ADH1B: variants seen among roughly 807,000 people sequenced by gnomAD.
ADH1B encodes the protein all-trans-retinol dehydrogenase [NAD(+)] ADH1B.
ADH1B carries 29 observed loss-of-function variants against 34.6 expected under a neutral mutation model. The ratio of observed to expected loss-of-function variants is 0.84; its 90% CI spans 0.62 to 1.14. The LOEUF (loss-of-function observed/expected upper bound fraction) is 1.14, where lower values mean the gene tolerates loss of function less well. ADH1B is among the 50% of genes most tolerant of loss of function. ADH1B has a pLI of 0.00. For missense variants in ADH1B, 424 were observed against 468.4 expected (o/e 0.91, Z 0.87); for synonymous variants, 170 against 175.5 (o/e 0.97, Z 0.25).
intron 8 of ADH1B, 113 bp from the exon 9 acceptor site, chr4:99,307,977 C>A: frequency 7.2e-7 from 1 of 1,390,974 alleles, no homozygotes; most frequent in Admixed American, 1.9e-5. Context: ...GTGATCCCAG[C>A]TACCCTATTT....
intron 8 of ADH1B, among the ~76,000 whole-genome samples, chr4:99,308,424 T>A (rs1733667631): frequency 1.3e-5 from 2 of 150,802 alleles, no homozygotes; most frequent in Admixed American, 6.7e-5. Flanking sequence ...AGATGATGGA[T>A]AACTTGCCTG....
At chr4:99,319,269 G>A in intron 1 of ADH1B, 1 of 314,688 alleles carries the variant, frequency 3.2e-6, no homozygotes, top group Non-Finnish European at 6.1e-6. Context: ...CAGAGTCAGT[G>A]TCTGTCTACA....
intron 6 of ADH1B, chr4:99,313,372 A>T: frequency 5.6e-6 from 1 of 177,360 alleles, no homozygotes; most frequent in Non-Finnish European, 1.2e-5. Context: ...GTTGGCCTAA[A>T]ATTGCTCATT....
intron 8 of ADH1B, 65 bp downstream of exon 8, chr4:99,310,700 T>G: frequency 2.6e-6 from 4 of 1,547,772 alleles, no homozygotes; most frequent in Non-Finnish European, 3.5e-6. Context: ...ACCTTTTTCA[T>G]TCTCTGCTAG....
At chr4:99,313,680 C>A (rs201212428) in intron 6 of ADH1B, 141 bp downstream of exon 6, 1 of 1,472,842 alleles carries the variant, frequency 6.8e-7, no homozygotes, top group East Asian at 2.3e-5. Context: ...AAAAATTAAA[C>A]AAGCCACATA....
At chr4:99,309,225 A>C (rs2110629188) in intron 8 of ADH1B, among the ~76,000 whole-genome samples, 1 of 152,192 alleles carries the variant, frequency 6.6e-6, no homozygotes, top group African/African-American at 2.4e-5. Flanking sequence ...TTATTTCTGT[A>C]GAATAGATTT....
At chr4:99,311,244 C>A (rs778636205) in intron 7 of ADH1B, among the ~76,000 whole-genome samples, 3 of 152,032 alleles carry the variant, frequency 2.0e-5, no homozygotes, top group Non-Finnish European at 4.4e-5. Context: ...AATTTCCATG[C>A]CTTACACAGT....
In ADH1B at chr4:99,321,383, C is replaced by T; in HGVS notation, c.-52G>A. 6.3e-7 allele frequency: 1 copy of T among 1,588,166 alleles called. No individual in the cohort carries two copies. Among genetic ancestry groups the T allele is most frequent in the Non-Finnish European group, 8.6e-7 (1 of 1,159,424 alleles). On this transcript the variant is annotated 5_prime_UTR_variant, in exon 1 of 9. Transcript: ENST00000305046. ...GCAGACTGTGAGTCTTTGTGGATTT[C>T]TTCTCTGCTTGAGTGCATAAAGCAG...
chr4:99,313,977 G>T lies in ADH1B; in HGVS notation c.672C>A (p.Asp224Glu), dbSNP rs1472672610. The part of the protein sequence containing the change: ...AAGAARIIAV[D>E]INKDKFAKAK... ...CCTTTGCAAATTTGTCCTTGTTGAT[G>T]TCCACCGCAATGATTCTGGCTGCTC... is the stretch of plus-strand genomic sequence containing the variant. The change falls in exon 6 of 9, where the codon GAC becomes GAA. Residue 224 changes from aspartate to glutamate, a missense_variant. Asp to Glu is a conservative substitution (Grantham distance 45). This residue lies in a region of ADH1B where 291 missense variants were observed against 300.4 expected (regional missense o/e 0.97). Coordinates refer to ENST00000305046, the MANE Select transcript of ADH1B (RefSeq NM_000668.6). 9 of 1,614,034 alleles carry T rather than the reference G, an allele frequency of 5.6e-6. No homozygotes were observed. The highest frequency in any genetic ancestry group is 7.6e-6 in the Non-Finnish European group (9 of 1,180,042).
intron 6 of ADH1B, among the ~76,000 whole-genome samples, chr4:99,312,540 C>T (rs1174055975): frequency 6.6e-6 from 1 of 152,168 alleles, no homozygotes; most frequent in East Asian, 1.9e-4. Context: ...GAGACATTTT[C>T]AGTAGGATTC....
At chr4:99,309,510 TC>T (rs1733695365) in intron 8 of ADH1B, among the ~76,000 whole-genome samples, 2 of 152,176 alleles carry the variant, frequency 1.3e-5, no homozygotes, top group African/African-American at 2.4e-5. Context: ...CTCAACACTG[TC>T]CTCTGGTTTT....
chr4:99,318,695 G>T, intron 2 of ADH1B, 90 bp downstream of exon 2: 1 of 1,180,724 alleles, frequency 8.5e-7, no homozygotes, highest in Non-Finnish European at 1.2e-6. Context: ...TATAAGATAT[G>T]CCTCTTAGTG....
At chr4:99,314,421 G>T (rs1579511989) in intron 5 of ADH1B, 3 of 288,236 alleles carry the variant, frequency 1.0e-5, no homozygotes, top group Admixed American at 9.4e-5. Flanking sequence ...GGAACCAGGG[G>T]ACTGGATGAT....
At chr4:99,307,969 G>T in intron 8 of ADH1B, 105 bp from the exon 9 acceptor site, 1 of 1,439,068 alleles carries the variant, frequency 6.9e-7, no homozygotes, top group Non-Finnish European at 9.7e-7. Context: ...ATCTGTCTGT[G>T]ATCCCAGCTA....
chr4:99,308,843 A>G (rs936424349), intron 8 of ADH1B, among the ~76,000 whole-genome samples: 1 of 152,106 alleles, frequency 6.6e-6, no homozygotes, highest in Non-Finnish European at 1.5e-5. Flanking sequence ...TTTTTCTAGA[A>G]ATCTGTGCAT....
intron 1 of ADH1B, 145 bp downstream of exon 1, chr4:99,321,169 A>G (rs776455931): frequency 1.4e-6 from 1 of 692,620 alleles, no homozygotes; most frequent in Admixed American, 2.4e-5. Flanking sequence ...TATACATTAC[A>G]TATTGAGGTG....
At position 99,316,254 on chromosome 4, in the gene ADH1B, A is replaced by G. The variant is rs1560528998; in HGVS notation, c.308T>C (p.Val103Ala). Residue 103 changes from valine (V) to alanine (A), a missense_variant, in exon 4 of 9, where the codon GTT (valine) becomes GCT (alanine). This residue lies in a region of ADH1B where 291 missense variants were observed against 300.4 expected (regional missense o/e 0.97). Coordinates refer to ENST00000305046, the MANE Select transcript of ADH1B (RefSeq NM_000668.6). ...LFTPQCGKCR[V>A]CKNPESNYCL... is the part of the protein sequence containing the mutation. ...GTAGTTGCTCTCCGGGTTTTTACAA[A>G]CTCTGCATTTTCCACACTGAGGAGT... 2 of 1,614,116 alleles carry G rather than the reference A, an allele frequency of 1.2e-6. No individual in the cohort carries two copies. Among genetic ancestry groups the G allele is most frequent in the Non-Finnish European group, 1.7e-6 (2 of 1,180,028 alleles).
Position 99,305,649 on chromosome 4 carries a change from T to C in ADH1B, c.*2191A>G, listed in dbSNP as rs910491097. ...TATGAACCACTTGCCCCATAGTAAA[T>C]TTTCTTTTTTCATAGTGCATGATGC... is the stretch of plus-strand genomic sequence containing the variant. On this transcript the variant is annotated 3_prime_UTR_variant, in exon 9 of 9. Transcript: ENST00000305046. The C allele has an allele frequency of 4.1e-5, 6 of 144,898 alleles. No individual in the cohort carries two copies. Among genetic ancestry groups the C allele is most frequent in the Non-Finnish European group, 9.0e-5 (6 of 66,366 alleles). 9.0% of individuals were successfully genotyped at this position (144,898 alleles called of 1,614,324 possible). A position where few individuals can be genotyped will look rare whatever the true frequency, so the allele number is the denominator to read the frequency against.
At position 99,311,569 on chromosome 4, in the gene ADH1B, G is replaced by A. The variant is rs201429349; in HGVS notation, c.916C>T (p.Pro306Ser). ...PPASQNLSIN[P>S]MLLLTGRTWK... The stretch of plus-strand genomic sequence containing the variant: ...GTGCGTCCAGTCAGTAGCAGCATAG[G>A]GTTTATTGAGAGGTTCTGGGAAGCA... The change falls in exon 7 of 9, where the codon CCT becomes TCT. Residue 306 changes from proline to serine, a missense_variant. By Grantham distance (74) the Pro-to-Ser change is moderately conservative (BLOSUM62 -1). Around this residue, in one of 3 missense-constraint regions of ADH1B, gnomAD observed 130 missense variants for 151.8 expected, o/e 0.86. Transcript: ENST00000305046. 4 of 1,614,054 alleles carry A rather than the reference G, an allele frequency of 2.5e-6. No individual in the cohort carries two copies. The highest frequency in any genetic ancestry group is 3.4e-6 in the Non-Finnish European group (4 of 1,179,970).
Sources: gnomAD v4.1 joint callset for allele counts (sites outside exome capture counted in the v4.1 genomes callset) on GRCh38, gnomAD v4.1.1 for gene constraint, gnomAD v4.1.1 regional missense constraint, MANE v1.5 for transcripts, NCBI Gene and HGNC (gene_info 2026-07-23, HGNC 2026-07-21) for gene names.